The following CMC2 variants were observed in gnomAD, a reference collection of about 807,000 sequenced individuals.
CMC2 encodes the protein COX assembly mitochondrial protein 2 homolog.
A neutral mutation model predicts 7.5 loss-of-function variants in CMC2; 5 were observed. The ratio of observed to expected loss-of-function variants is 0.66; its 90% CI spans 0.35 to 1.40. CMC2 has a LOEUF of 1.40. CMC2 is among the 40% of genes most tolerant of loss of function. CMC2 has a pLI of 0.04. For synonymous variants in CMC2, 37 were observed against 31.4 expected, an observed-to-expected ratio of 1.18 and a Z score of -0.60; for missense variants, 115 against 92.3, an observed-to-expected ratio of 1.25 and a Z score of -1.01.
chr16:80,989,624 T>A (rs1238218344), intron 2 of CMC2, among the ~76,000 whole-genome samples: 2 of 152,104 alleles, frequency 1.3e-5, no homozygotes, highest in South Asian at 4.1e-4. Flanking sequence ...AAAAACAAAA[T>A]CTGGGCGTTA....
intron 1 of CMC2, among the ~76,000 whole-genome samples, chr16:81,001,779 C>T (rs1170765365): frequency 6.6e-6 from 1 of 151,978 alleles, no homozygotes; most frequent in Non-Finnish European, 1.5e-5. Flanking sequence ...TATAGCATAG[C>T]TACTATTTCA....
chr16:80,983,618 T>C (rs1263325414), intron 2 of CMC2: 2 of 152,230 alleles, frequency 1.3e-5, no homozygotes, highest in Non-Finnish European at 2.9e-5. Context: ...AAAAGAGTTA[T>C]CTAATAAATG....
At chr16:81,002,246 G>A (rs1332399817) in intron 1 of CMC2, among the ~76,000 whole-genome samples, 6 of 152,022 alleles carry the variant, frequency 3.9e-5, no homozygotes, top group Non-Finnish European at 8.8e-5. Flanking sequence ...CCAACATGCC[G>A]AAACCCCATC....
At chr16:80,976,747 G>A (rs1202245915) in intron 3 of CMC2, among the ~76,000 whole-genome samples, 1 of 152,134 alleles carries the variant, frequency 6.6e-6, no homozygotes, top group African/African-American at 2.4e-5. Flanking sequence ...AACCAAAAGT[G>A]CTGCCTTGTC....
Position 80,976,066 on chromosome 16 carries a change from A to G in CMC2, c.*27T>C, listed in dbSNP as rs1912285026. On this transcript the variant is annotated 3_prime_UTR_variant, in exon 4 of 4. Transcript: ENST00000219400. ...ACCCAGAGTCTTTAGGTCTTCTCTCAGCCAAGGCATCGAGTGAAAATACAA... is the reference window on the plus strand; with the variant it reads ...ACCCAGAGTCTTTAGGTCTTCTCTCGGCCAAGGCATCGAGTGAAAATACAA... The G allele has an allele frequency of 9.6e-6, 13 of 1,353,412 alleles. No individual in the cohort carries two copies. Among genetic ancestry groups the G allele is most frequent in the Non-Finnish European group, 1.4e-5 (13 of 943,996 alleles). 83.8% of individuals were successfully genotyped at this position (1,353,412 alleles called of 1,614,324 possible).
intron 3 of CMC2, among the ~76,000 whole-genome samples, chr16:80,976,434 T>C (rs1304030253): frequency 2.0e-5 from 3 of 152,222 alleles, no homozygotes; most frequent in African/African-American, 7.2e-5. Flanking sequence ...TACATGCTAA[T>C]AGATGCACAA....
intron 2 of CMC2, among the ~76,000 whole-genome samples, chr16:80,988,222 C>T (rs763145561): frequency 3.3e-4 from 50 of 152,070 alleles, no homozygotes; most frequent in Middle Eastern, 3.2e-3. Context: ...CAGATATAGA[C>T]CTGCAGAATT....
intron 1 of CMC2, among the ~76,000 whole-genome samples, chr16:81,004,920 A>G (rs1379797330): frequency 1.3e-5 from 2 of 152,240 alleles, no homozygotes; most frequent in Non-Finnish European, 2.9e-5. Context: ...CAGCAAATCT[A>G]TAATCACAAG....
intron 2 of CMC2, among the ~76,000 whole-genome samples, chr16:80,994,424 AAAGG>A (rs2151640830): frequency 5.6e-5 from 1 of 18,004 alleles, no homozygotes; most frequent in South Asian, 4.2e-3. Flanking sequence ...AACACATCCT[AAAGG>A]AAGTAAAAAA....
intron 1 of CMC2, among the ~76,000 whole-genome samples, chr16:81,004,346 T>C (rs1192680162): frequency 2.0e-5 from 3 of 152,212 alleles, no homozygotes; most frequent in Non-Finnish European, 4.4e-5. Flanking sequence ...CTGTTATTAT[T>C]TGAATAGAAT....
At chr16:80,980,868 C>G (rs750739201) in intron 3 of CMC2, 3 of 698,582 alleles carry the variant, frequency 4.3e-6, no homozygotes, top group Admixed American at 4.0e-5. Flanking sequence ...GCTTAGGTGA[C>G]AGAGCAAGAA....
At chr16:80,999,768 T>C (rs1968720161) in intron 1 of CMC2, among the ~76,000 whole-genome samples, 2 of 152,196 alleles carry the variant, frequency 1.3e-5, no homozygotes, top group African/African-American at 4.8e-5. Flanking sequence ...CTTTTGATCT[T>C]TGACAAAGTC....
At chr16:80,988,911 G>C (rs1967753157) in intron 2 of CMC2, among the ~76,000 whole-genome samples, 1 of 151,864 alleles carries the variant, frequency 6.6e-6, no homozygotes, top group Admixed American at 6.6e-5. Flanking sequence ...AAGAGTACAG[G>C]CCAGTTATTT....
In CMC2 at chr16:80,976,073, GC is replaced by G; in HGVS notation, c.*19del. ...GTCTTTAGGTCTTCTCTCAGCCAAG[GC>G]ATCGAGTGAAAATACAATTTATTTT... On this transcript the variant is annotated 3_prime_UTR_variant, in exon 4 of 4. Coordinates refer to ENST00000219400, the MANE Select transcript of CMC2 (RefSeq NM_020188.5). 1 of 1,418,900 alleles carries G rather than the reference GC, an allele frequency of 7.0e-7. No homozygotes were observed. The highest frequency in any genetic ancestry group is 1.1e-5 in the South Asian group (1 of 87,236). The allele number at this position is 1,418,900 out of a possible 1,614,324, so 87.9% of individuals were successfully genotyped here. A position where few individuals can be genotyped will look rare whatever the true frequency, so the allele number is the denominator to read the frequency against.
intron 3 of CMC2, among the ~76,000 whole-genome samples, chr16:80,977,605 T>A (rs1004553127): frequency 6.6e-6 from 1 of 152,092 alleles, no homozygotes; most frequent in Non-Finnish European, 1.5e-5. Flanking sequence ...GAGAGAGTAA[T>A]GAGGGGATTC....
chr16:80,996,943 C>A (rs1461682258), intron 2 of CMC2: 6 of 419,766 alleles, frequency 1.4e-5, no homozygotes, highest in South Asian at 8.7e-5. Context: ...AGAATGGTAG[C>A]CATCAAAGAG....
intron 2 of CMC2, chr16:80,991,899 G>A (rs1968024421): frequency 2.2e-6 from 1 of 453,094 alleles, no homozygotes; most frequent in Non-Finnish European, 4.4e-6. Context: ...AAATGTCACA[G>A]ATAACAGGAG....
chr16:81,002,805 T>C (rs900918586), intron 1 of CMC2, among the ~76,000 whole-genome samples: 3 of 152,210 alleles, frequency 2.0e-5, no homozygotes, highest in African/African-American at 7.2e-5. Context: ...AATTGACAAA[T>C]AATAATTGTA....
At chr16:80,996,293 C>T (rs1261709614) in intron 2 of CMC2, among the ~76,000 whole-genome samples, 1 of 152,212 alleles carries the variant, frequency 6.6e-6, no homozygotes, top group African/African-American at 2.4e-5. Flanking sequence ...CGCTGTGCCT[C>T]TCTGTTGCCA....
Sources: gnomAD v4.1 joint callset for allele counts (sites outside exome capture counted in the v4.1 genomes callset) on GRCh38, gnomAD v4.1.1 for gene constraint, MANE v1.5 for transcripts, NCBI Gene and HGNC (gene_info 2026-07-23, HGNC 2026-07-21) for gene names.